The following EXT1 variants were observed in gnomAD, a reference collection of about 807,000 sequenced individuals.
The protein encoded by EXT1 is exostosin glycosyltransferase 1, also known as exostosin-1.
In EXT1, 20 loss-of-function variants were observed where a neutral mutation model predicts 82.5. That is an observed-to-expected ratio of 0.24 (90% CI 0.17 to 0.35). EXT1 has a LOEUF of 0.35. EXT1 is among the 10% of genes least tolerant of loss of function. The pLI is 1.00. For synonymous variants in EXT1, 348 were observed against 350.8 expected, an observed-to-expected ratio of 0.99 and a Z score of 0.09; for missense variants, 757 against 936.5, an observed-to-expected ratio of 0.81 and a Z score of 2.50.
At chr8:118,034,127 G>A (rs1816380544) in intron 1 of EXT1, among the ~76,000 whole-genome samples, 1 of 152,132 alleles carries the variant, frequency 6.6e-6, no homozygotes, top group African/African-American at 2.4e-5. Context: ...AATGTATTGG[G>A]TTCCTCTTCT....
intron 1 of EXT1, among the ~76,000 whole-genome samples, chr8:117,863,699 T>C (rs1812725523): frequency 6.6e-6 from 1 of 152,174 alleles, no homozygotes; most frequent in Admixed American, 6.5e-5. Flanking sequence ...ATGCTTGTCC[T>C]GTGCTTACCC....
At chr8:118,064,478 T>C (rs978270078) in intron 1 of EXT1, among the ~76,000 whole-genome samples, 2 of 152,212 alleles carry the variant, frequency 1.3e-5, no homozygotes, top group African/African-American at 2.4e-5. Flanking sequence ...GCTTTCCAGC[T>C]TTATCCATGT....
intron 1 of EXT1, among the ~76,000 whole-genome samples, chr8:117,913,304 G>A (rs775567587): frequency 6.6e-5 from 10 of 152,104 alleles, no homozygotes; most frequent in Non-Finnish European, 1.2e-4. Flanking sequence ...CCCTTCGCTA[G>A]AAATTAACAT....
chr8:117,901,689 T>G (rs942286661), intron 1 of EXT1, among the ~76,000 whole-genome samples: 2 of 152,204 alleles, frequency 1.3e-5, no homozygotes. Context: ...AAAAATATTT[T>G]CTTTCCTTTT....
intron 1 of EXT1, among the ~76,000 whole-genome samples, chr8:117,894,808 G>C (rs1334482110): frequency 6.6e-6 from 1 of 152,164 alleles, no homozygotes; most frequent in Admixed American, 6.5e-5. Flanking sequence ...TGTGTTATAG[G>C]CAACACACTC....
At chr8:117,861,582 C>T (rs1176119359) in intron 1 of EXT1, among the ~76,000 whole-genome samples, 2 of 111,564 alleles carry the variant, frequency 1.8e-5, no homozygotes, top group Non-Finnish European at 4.3e-5. Flanking sequence ...GCAACCTCTG[C>T]CTCCCAGGTT....
chr8:117,870,470 G>A (rs1309885591), intron 1 of EXT1, among the ~76,000 whole-genome samples: 3 of 151,738 alleles, frequency 2.0e-5, no homozygotes, highest in Admixed American at 2.0e-4. Context: ...GTGTATCAAC[G>A]GGCATTAAGT....
intron 1 of EXT1, among the ~76,000 whole-genome samples, chr8:118,045,615 T>G (rs187138429): frequency 6.6e-6 from 1 of 152,212 alleles, no homozygotes; most frequent in East Asian, 1.9e-4. Flanking sequence ...CTCTTCTATG[T>G]CATCCATCGT....
At chr8:118,073,226 T>C (rs1817128762) in intron 1 of EXT1, among the ~76,000 whole-genome samples, 1 of 152,236 alleles carries the variant, frequency 6.6e-6, no homozygotes, top group African/African-American at 2.4e-5. Flanking sequence ...TGACATATGC[T>C]ATACATTAGT....
chr8:117,924,114 C>A (rs1813911669), intron 1 of EXT1, among the ~76,000 whole-genome samples: 1 of 152,186 alleles, frequency 6.6e-6, no homozygotes, highest in African/African-American at 2.4e-5. Flanking sequence ...GAATCACAAT[C>A]TGCATTTTAA....
intron 1 of EXT1, among the ~76,000 whole-genome samples, chr8:117,885,164 T>C: frequency 6.6e-6 from 1 of 152,286 alleles, no homozygotes; most frequent in East Asian, 1.9e-4. Context: ...AAATAATTAC[T>C]TATATAATAA....
rs944972658 is a variant in EXT1, at chr8:117,949,943, G to A, written c.963-112742C>T. ...ATTCTTCTAAAATTACTAACAAGGA[G>A]GCCAGATGTGGTGACTCACGCCTGT... is the stretch of plus-strand genomic sequence containing the variant. On this transcript the variant is annotated intron_variant, in intron 1 of 10. Transcript: ENST00000378204. 2.0e-5 allele frequency among the ~76,000 whole-genome samples: 3 copies of A among 152,284 alleles called. No homozygotes were observed. The East Asian group carries it at 5.8e-4, about 29-fold the overall frequency.
chr8:117,897,592 T>TCTC (rs1491292091), intron 1 of EXT1, among the ~76,000 whole-genome samples: 1 of 11,730 alleles, frequency 8.5e-5, no homozygotes, highest in African/African-American at 2.7e-4. Flanking sequence ...TTCTTTTCTC[T>TCTC]TTTTTTTTTT....
intron 1 of EXT1, among the ~76,000 whole-genome samples, chr8:117,837,862 A>G (rs66732486): frequency 0.16 from 24,044 of 152,044 alleles, 2,332 homozygotes; most frequent in East Asian, 0.38. Context: ...GAAAAGAAAA[A>G]AAAAAAACCT....
rs1000330283 is a variant in EXT1, at chr8:117,822,656, T to C, written c.1285-59A>G. On this transcript the variant is annotated intron_variant, in intron 4 of 10. Coordinates refer to ENST00000378204, the MANE Select transcript of EXT1 (RefSeq NM_000127.3). ...AGATCCTGATGATATTTGGAAAGGATGATGCTCAATCCAAATTCGAAAGAT... is the reference window on the plus strand; with the variant it reads ...AGATCCTGATGATATTTGGAAAGGACGATGCTCAATCCAAATTCGAAAGAT... 1.1e-5 allele frequency: 17 copies of C among 1,596,514 alleles called. No individual in the cohort carries two copies. The East Asian group carries it at 2.9e-4, about 27-fold the overall frequency.
intron 1 of EXT1, among the ~76,000 whole-genome samples, chr8:118,004,857 T>G (rs1815742450): frequency 1.3e-5 from 2 of 152,168 alleles, no homozygotes; most frequent in South Asian, 4.1e-4. Flanking sequence ...TAGGGTGAAG[T>G]ATTTTGATTT....
rs1428622833 is a variant in EXT1 at position 117,919,738 on chromosome 8, A to G, written c.963-82537T>C. On this transcript the variant is annotated intron_variant, in intron 1 of 10. Coordinates refer to ENST00000378204, the MANE Select transcript of EXT1 (RefSeq NM_000127.3). Reference sequence around the variant, plus strand: ...CAAGCTGGTCTTAACTCCTGGGTTCAAGTGATCCTTCCACTTCAGCCTCCC... The same window carrying G: ...CAAGCTGGTCTTAACTCCTGGGTTCGAGTGATCCTTCCACTTCAGCCTCCC... 2.6e-5 allele frequency among the ~76,000 whole-genome samples: 4 copies of G among 152,166 alleles called. No individual in the cohort carries two copies. The East Asian group carries it at 7.7e-4, about 29-fold the overall frequency.
chr8:118,032,502 TAAC>T lies in EXT1; in HGVS notation c.962+77580_962+77582del, dbSNP rs1417323407. On this transcript the variant is annotated intron_variant, in intron 1 of 10. Transcript: ENST00000378204. ...GCTTCACAGTGTCTTTCACAGAGGG[TAAC>T]AACTTTTTTTTTTTTTTTTTTTGAG... Among the ~76,000 whole-genome samples the T allele has an allele frequency of 8.7e-5, 13 of 150,218 alleles. No individual in the cohort carries two copies. The East Asian group carries it at 2.2e-3, about 25-fold the overall frequency.
chr8:117,983,532 G>A lies in EXT1; in HGVS notation c.962+126553C>T, dbSNP rs1002971610. On this transcript the variant is annotated intron_variant, in intron 1 of 10. Transcript: ENST00000378204. Reference sequence around the variant, plus strand: ...AGAAAATCCAAATGGCAACATGGACGCTCAGTAGTAACAGCCCCAATGTCA... The same window carrying A: ...AGAAAATCCAAATGGCAACATGGACACTCAGTAGTAACAGCCCCAATGTCA... Among the ~76,000 whole-genome samples, 3 of 152,004 alleles carry A rather than the reference G, an allele frequency of 2.0e-5. 1 individual carries two copies. The highest frequency in any genetic ancestry group is 2.9e-5 in the Non-Finnish European group (2 of 68,002).
Sources: gnomAD v4.1 joint callset for allele counts (sites outside exome capture counted in the v4.1 genomes callset) on GRCh38, gnomAD v4.1.1 for gene constraint, MANE v1.5 for transcripts, NCBI Gene and HGNC (gene_info 2026-07-23, HGNC 2026-07-21) for gene names.